Variants in DCLK1 observed in about 807,000 individuals in gnomAD.
The protein encoded by DCLK1 is doublecortin like kinase 1, also known as serine/threonine-protein kinase DCLK1.
A neutral mutation model predicts 86.2 loss-of-function variants in DCLK1; 16 were observed. The ratio of observed to expected loss-of-function variants is 0.19; its 90% CI spans 0.13 to 0.28. The LOEUF (loss-of-function observed/expected upper bound fraction) is 0.28, where lower values mean the gene tolerates loss of function less well. Among genes scored for constraint, DCLK1 ranks in the 10% least tolerant of loss-of-function variants. The probability of loss-of-function intolerance (pLI) is 1.00; values close to 1 mark genes in which losing one functional copy is unlikely to be tolerated. For missense variants in DCLK1, 590 were observed against 940.2 expected (o/e 0.63, Z 4.87); for synonymous variants, 369 against 370.5 (o/e 1.00, Z 0.05).
intron 3 of DCLK1, among the ~76,000 whole-genome samples, chr13:36,056,790 G>A (rs1883335545): frequency 6.7e-6 from 1 of 150,130 alleles, no homozygotes; most frequent in Non-Finnish European, 1.5e-5. Context: ...CAGCTACTTG[G>A]GAGGCTGAGG....
intron 4 of DCLK1, among the ~76,000 whole-genome samples, chr13:35,919,909 T>TG (rs1052837351): frequency 3.3e-4 from 11 of 33,824 alleles, no homozygotes; most frequent in African/African-American, 4.5e-4. Context: ...TGCGGGGGGG[T>TG]GGGGGGGTTG....
chr13:35,922,422 G>T (rs1875855425), intron 4 of DCLK1, among the ~76,000 whole-genome samples: 1 of 152,118 alleles, frequency 6.6e-6, no homozygotes. Context: ...TGCAGCAGAT[G>T]ATCAATAAAT....
At chr13:35,950,582 T>C (rs1387709164) in intron 3 of DCLK1, among the ~76,000 whole-genome samples, 4 of 152,228 alleles carry the variant, frequency 2.6e-5, no homozygotes, top group Non-Finnish European at 5.9e-5. Context: ...GTTTTATGGA[T>C]GAAAAACATG....
chr13:35,917,324 A>G (rs1374994794), intron 4 of DCLK1, among the ~76,000 whole-genome samples: 1 of 152,238 alleles, frequency 6.6e-6, no homozygotes, highest in Non-Finnish European at 1.5e-5. Context: ...TTCCTCCCCT[A>G]TAATTGCATA....
chr13:35,967,437 G>A (rs534072873), intron 3 of DCLK1, among the ~76,000 whole-genome samples: 262 of 152,340 alleles, frequency 1.7e-3, no homozygotes, highest in African/African-American at 6.1e-3. Flanking sequence ...CTGTGTCTGT[G>A]TAGAAAGAAG....
At chr13:35,884,357 G>A (rs1000939485) in intron 4 of DCLK1, among the ~76,000 whole-genome samples, 5 of 152,156 alleles carry the variant, frequency 3.3e-5, no homozygotes, top group East Asian at 3.8e-4. Context: ...GTTGAAAGCA[G>A]ACTTTGAAAG....
intron 3 of DCLK1, among the ~76,000 whole-genome samples, chr13:36,077,975 C>A (rs1029533405): frequency 1.3e-5 from 2 of 152,120 alleles, no homozygotes; most frequent in Non-Finnish European, 2.9e-5. Flanking sequence ...GTAAGATAGT[C>A]CTCTGGACTG....
intron 4 of DCLK1, among the ~76,000 whole-genome samples, chr13:35,932,934 T>A (rs1169481919): frequency 6.6e-6 from 1 of 152,194 alleles, no homozygotes; most frequent in Non-Finnish European, 1.5e-5. Context: ...CAAAGTCTCA[T>A]CTGAGACAAG....
intron 4 of DCLK1, among the ~76,000 whole-genome samples, chr13:35,918,890 G>GTTTTTTTTTTTTTTTTTTTTTTTTTTT (rs532112697): frequency 7.0e-5 from 1 of 14,228 alleles, no homozygotes; most frequent in South Asian, 1.5e-3. Flanking sequence ...CCTTCTGAGT[G>GTTTTTTTTTTTTTTTTTTTTTTTTTTT]TGTTTTTTTT....
chr13:35,876,800 C>T (rs4943346), intron 4 of DCLK1, among the ~76,000 whole-genome samples: 30,600 of 152,078 alleles, frequency 0.2, 3,160 homozygotes, highest in East Asian at 0.28. Flanking sequence ...TCTTGGCACC[C>T]CTATATTTCA....
At chr13:35,990,146 A>G (rs1880156610) in intron 3 of DCLK1, among the ~76,000 whole-genome samples, 1 of 152,230 alleles carries the variant, frequency 6.6e-6, no homozygotes, top group Non-Finnish European at 1.5e-5. Flanking sequence ...ATGTCTTCCT[A>G]TTTAAACCAT....
chr13:36,075,081 C>CTCCA (rs1732202811), intron 3 of DCLK1, among the ~76,000 whole-genome samples: 1 of 152,176 alleles, frequency 6.6e-6, no homozygotes, highest in South Asian at 2.1e-4. Flanking sequence ...ACTCCCTGAC[C>CTCCA]TCCACATCTT....
At chr13:36,081,543 C>T (rs1479749481) in intron 3 of DCLK1, among the ~76,000 whole-genome samples, 1 of 152,142 alleles carries the variant, frequency 6.6e-6, no homozygotes, top group South Asian at 2.1e-4. Context: ...AAAAGTCATG[C>T]CTAAGGTGGC....
rs113905560 is a variant in DCLK1, at chr13:35,797,231, A to C, written c.1945-3752T>G. 4.4e-3 allele frequency among the ~76,000 whole-genome samples: 675 copies of C among 152,308 alleles called. 6 individuals are homozygous for C. The highest frequency in any genetic ancestry group is 0.015 in the African/African-American group (643 of 41,570). ...TGGGTTTTCGTAAGAGCAGCCCCTA[A>C]TTAACTTACTGAGAAAGATTCAGCT... is the stretch of plus-strand genomic sequence containing the variant. On this transcript the variant is annotated intron_variant, in intron 15 of 16. Coordinates refer to ENST00000360631, the MANE Select transcript of DCLK1 (RefSeq NM_001330071.2).
chr13:35,855,617 G>A lies in DCLK1; in HGVS notation c.941-1024C>T, dbSNP rs1051224951. Reference sequence around the variant, plus strand: ...GCACCCGCGGAAATGGGAATCGGTTGGATGAGTTTAAGGATGGCTAAGGCT... The same window carrying A: ...GCACCCGCGGAAATGGGAATCGGTTAGATGAGTTTAAGGATGGCTAAGGCT... On this transcript the variant is annotated intron_variant, in intron 5 of 16. Coordinates refer to ENST00000360631, the MANE Select transcript of DCLK1 (RefSeq NM_001330071.2). 6 of 1,541,168 alleles carry A rather than the reference G, an allele frequency of 3.9e-6. No homozygotes were observed. In the African/African-American group the frequency reaches 8.2e-5, roughly 21 times the overall value.
intron 3 of DCLK1, among the ~76,000 whole-genome samples, chr13:36,085,784 A>T (rs1202332510): frequency 6.6e-6 from 1 of 151,540 alleles, no homozygotes; most frequent in African/African-American, 2.4e-5. Flanking sequence ...GAAAAGGGCA[A>T]AAAGAGAGAC....
intron 5 of DCLK1, chr13:35,855,381 AT>A: frequency 1.2e-6 from 1 of 834,318 alleles, no homozygotes; most frequent in Non-Finnish European, 1.9e-6. Flanking sequence ...GGTCACCTCT[AT>A]TTTACCTGTA....
chr13:35,946,920 A>T (rs767913833), intron 4 of DCLK1, among the ~76,000 whole-genome samples: 5 of 152,196 alleles, frequency 3.3e-5, no homozygotes, highest in Non-Finnish European at 7.3e-5. Flanking sequence ...TGAATTCTAC[A>T]GTATTTAAAG....
chr13:35,929,134 T>G (rs763946846), intron 4 of DCLK1, among the ~76,000 whole-genome samples: 11 of 152,188 alleles, frequency 7.2e-5, no homozygotes, highest in Non-Finnish European at 1.5e-4. Context: ...TTTCACCATG[T>G]TAACCAGGAT....
Sources: allele counts gnomAD v4.1 joint callset (sites outside exome capture counted in the v4.1 genomes callset), GRCh38; gene constraint gnomAD v4.1.1; transcripts MANE v1.5; gene names NCBI Gene and HGNC (gene_info 2026-07-23, HGNC 2026-07-21).